The following AGPAT5 variants were observed in gnomAD, a reference collection of about 807,000 sequenced individuals.
AGPAT5 encodes 1-acylglycerol-3-phosphate O-acyltransferase 5, also known as 1-acyl-sn-glycerol-3-phosphate acyltransferase epsilon.
A neutral mutation model predicts 45.6 loss-of-function variants in AGPAT5; 46 were observed. The observed-to-expected ratio is 1.01, with a 90% CI of 0.80 to 1.29. The LOEUF is 1.29. Among genes scored for constraint, AGPAT5 ranks in the 50% most tolerant of loss-of-function variants. The pLI is 0.00. For synonymous variants in AGPAT5, 272 were observed against 167.0 expected (o/e 1.63, Z -4.85); for missense variants, 673 against 450.7 (o/e 1.49, Z -4.47).
At chr8:6,746,423 T>C (rs1442328559) in intron 5 of AGPAT5, among the ~76,000 whole-genome samples, 1 of 152,240 alleles carries the variant, frequency 6.6e-6, no homozygotes, top group African/African-American at 2.4e-5. Flanking sequence ...CTTTATTTCC[T>C]TACTAACTTA....
At chr8:6,735,953 C>G (rs542486819) in intron 4 of AGPAT5, among the ~76,000 whole-genome samples, 3 of 140,658 alleles carry the variant, frequency 2.1e-5, no homozygotes, top group Non-Finnish European at 4.5e-5. Flanking sequence ...CTCACGGGTT[C>G]AAGCAATCTC....
chr8:6,708,776 G>A lies in AGPAT5; in HGVS notation c.108G>A (p.Arg36=). The change falls in exon 1 of 8, where the codon CGG becomes CGA. Residue 36 remains arginine, a synonymous_variant. Transcript: ENST00000285518. ...PTYVLAWGVW[R]LLSAFLPARF... Reference sequence around the variant, plus strand: ...ACGTGTTGGCCTGGGGGGTCTGGCGGCTGCTCTCCGCCTTCCTGCCCGCCC... The same window carrying A: ...ACGTGTTGGCCTGGGGGGTCTGGCGACTGCTCTCCGCCTTCCTGCCCGCCC... 2 of 1,608,726 alleles carry A rather than the reference G, an allele frequency of 1.2e-6. No individual in the cohort carries two copies. The highest frequency in any genetic ancestry group is 1.7e-6 in the Non-Finnish European group (2 of 1,179,598).
At chr8:6,734,513 T>C (rs1800976396) in intron 4 of AGPAT5, among the ~76,000 whole-genome samples, 1 of 152,218 alleles carries the variant, frequency 6.6e-6, no homozygotes, top group South Asian at 2.1e-4. Flanking sequence ...AGTCACGTTT[T>C]CCAGTTGAAC....
At position 6,752,910 on chromosome 8, in the gene AGPAT5, G is replaced by A. The variant is rs577161387; in HGVS notation, c.746-2141G>A. Among the ~76,000 whole-genome samples the A allele has an allele frequency of 1.7e-4, 26 of 152,176 alleles. No homozygotes were observed. In the South Asian group the frequency reaches 3.7e-3, roughly 22 times the overall value. On this transcript the variant is annotated intron_variant, in intron 6 of 7. Coordinates refer to ENST00000285518, the MANE Select transcript of AGPAT5 (RefSeq NM_018361.5). ...ACATTGAACTGCTTTCCACTTTGTC[G>A]CATGCTCCTCTCATTGTCCCTACCT...
At chr8:6,715,606 A>G (rs1373976984) in intron 1 of AGPAT5, among the ~76,000 whole-genome samples, 1 of 152,246 alleles carries the variant, frequency 6.6e-6, no homozygotes, top group Admixed American at 6.5e-5. Flanking sequence ...TAGCCTAGCC[A>G]GGAGTTTCAG....
intron 4 of AGPAT5, among the ~76,000 whole-genome samples, chr8:6,735,848 CCTTTTTT>C (rs1455685159): frequency 1.1e-4 from 6 of 53,614 alleles, no homozygotes; most frequent in Admixed American, 2.9e-4. Flanking sequence ...CTTTATATAG[CCTTTTTT>C]TTTTTTTTTT....
chr8:6,738,855 A>G (rs920292762), intron 4 of AGPAT5, among the ~76,000 whole-genome samples: 2 of 151,960 alleles, frequency 1.3e-5, no homozygotes, highest in African/African-American at 2.4e-5. Flanking sequence ...TTCTCTCATA[A>G]TTTCCACTTT....
intron 6 of AGPAT5, 27 bp downstream of exon 6, chr8:6,747,855 C>A: frequency 6.2e-7 from 1 of 1,611,464 alleles, no homozygotes. Flanking sequence ...ACCTGAAATG[C>A]CTGTACACGG....
intron 4 of AGPAT5, among the ~76,000 whole-genome samples, chr8:6,739,054 A>T (rs960378701): frequency 6.6e-6 from 1 of 152,084 alleles, no homozygotes; most frequent in Admixed American, 6.5e-5. Context: ...TATAGAAAAG[A>T]TTATTTCCCC....
Position 6,753,399 on chromosome 8 carries a change from C to A in AGPAT5, c.746-1652C>A, listed in dbSNP as rs561238978. Among the ~76,000 whole-genome samples the A allele has an allele frequency of 4.2e-4, 64 of 152,142 alleles. 1 individual carries two copies. Among genetic ancestry groups the A allele is most frequent in the Admixed American group, 1.0e-3 (16 of 15,280 alleles). On this transcript the variant is annotated intron_variant, in intron 6 of 7. Transcript: ENST00000285518. The stretch of plus-strand genomic sequence containing the variant: ...TGTTGAGGTGGAGATCTAGATAATT[C>A]AGTGAAGGCAGGAAAATTGGTGTCG...
chr8:6,740,026 G>A (rs1454345353), intron 4 of AGPAT5, among the ~76,000 whole-genome samples: 1 of 151,994 alleles, frequency 6.6e-6, no homozygotes, highest in Non-Finnish European at 1.5e-5. Flanking sequence ...ATGAAGGGAA[G>A]GACCATATGT....
intron 2 of AGPAT5, among the ~76,000 whole-genome samples, chr8:6,729,744 C>T (rs144296543): frequency 1.2e-4 from 19 of 152,332 alleles, no homozygotes; most frequent in Middle Eastern, 3.4e-3. Flanking sequence ...TTTGAAAGCT[C>T]AACTAACAAC....
At chr8:6,735,803 A>G (rs1375890822) in intron 4 of AGPAT5, among the ~76,000 whole-genome samples, 2 of 152,052 alleles carry the variant, frequency 1.3e-5, no homozygotes, top group Non-Finnish European at 2.9e-5. Flanking sequence ...TAGATTTACA[A>G]AAACGTCAGA....
At chr8:6,724,986 C>G (rs1800637305) in intron 2 of AGPAT5, 47 bp downstream of exon 2, 7 of 717,116 alleles carry the variant, frequency 9.8e-6, no homozygotes, top group Non-Finnish European at 9.8e-6. Context: ...ACAGATGGCA[C>G]ATGGGCATTC....
chr8:6,735,159 TC>T, intron 4 of AGPAT5, among the ~76,000 whole-genome samples: 1 of 152,266 alleles, frequency 6.6e-6, no homozygotes, highest in African/African-American at 2.4e-5. Flanking sequence ...TAAGAGTTTT[TC>T]CCTGTTCTCT....
chr8:6,740,894 C>A (rs1003419559), intron 4 of AGPAT5, among the ~76,000 whole-genome samples: 4 of 152,094 alleles, frequency 2.6e-5, no homozygotes, highest in Non-Finnish European at 4.4e-5. Context: ...GTGTGCATAA[C>A]TTATTTTTGT....
At chr8:6,724,503 C>G (rs886215920) in intron 1 of AGPAT5, among the ~76,000 whole-genome samples, 3 of 152,164 alleles carry the variant, frequency 2.0e-5, no homozygotes, top group South Asian at 2.1e-4. Context: ...TGCGTTATGT[C>G]TCATTACAGT....
chr8:6,755,002 A>G (rs1444888125), intron 6 of AGPAT5, 49 bp from the exon 7 acceptor site: 5 of 1,449,836 alleles, frequency 3.4e-6, no homozygotes, highest in Admixed American at 5.0e-5. Context: ...TTATATGACC[A>G]TGAGTTCTAA....
At chr8:6,730,868 TA>T (rs774164165) in intron 3 of AGPAT5, 42 bp downstream of exon 3, 108 of 1,283,482 alleles carry the variant, frequency 8.4e-5, no homozygotes, top group South Asian at 1.7e-4. Context: ...ATGTAGTTTA[TA>T]AATTTTTTTT....
Sources: allele counts gnomAD v4.1 joint callset (sites outside exome capture counted in the v4.1 genomes callset), GRCh38; gene constraint gnomAD v4.1.1; transcripts MANE v1.5; gene names NCBI Gene and HGNC (gene_info 2026-07-23, HGNC 2026-07-21).